The following RNF122 variants were observed in gnomAD, a reference collection of about 807,000 sequenced individuals.
The protein encoded by RNF122 is ring finger protein 122.
In RNF122, 17 loss-of-function variants were observed where a neutral mutation model predicts 24.2. The observed-to-expected ratio is 0.70, with a 90% confidence interval of 0.48 to 1.06. The LOEUF is 1.06. Among genes scored for constraint, RNF122 ranks in the 50% least tolerant of loss-of-function variants. RNF122 has a pLI of 0.00. For synonymous variants in RNF122, 65 were observed against 71.8 expected (o/e 0.91, Z 0.48); for missense variants, 168 against 198.1 (o/e 0.85, Z 0.91).
At chr8:33,557,322 A>C (rs937614066) in intron 2 of RNF122, among the ~76,000 whole-genome samples, 1 of 152,114 alleles carries the variant, frequency 6.6e-6, no homozygotes. Context: ...CATGCTCAAA[A>C]TTTTTTATAG....
intron 4 of RNF122, among the ~76,000 whole-genome samples, chr8:33,549,822 A>C (rs1181472752): frequency 6.6e-6 from 1 of 152,202 alleles, no homozygotes; most frequent in African/African-American, 2.4e-5. Context: ...TGCACTGGAA[A>C]TTACTGTCCT....
intron 2 of RNF122, among the ~76,000 whole-genome samples, chr8:33,552,267 T>C (rs1021932810): frequency 6.6e-6 from 1 of 151,962 alleles, no homozygotes; most frequent in African/African-American, 2.4e-5. Flanking sequence ...GGTGTGGTGG[T>C]GCATGCCTGT....
chr8:33,559,229 C>T (rs1001409127), intron 1 of RNF122, among the ~76,000 whole-genome samples: 4 of 151,902 alleles, frequency 2.6e-5, no homozygotes, highest in African/African-American at 9.7e-5. Context: ...TCACTTGAGC[C>T]CAGGAGTACA....
intron 1 of RNF122, among the ~76,000 whole-genome samples, chr8:33,564,729 G>A (rs926383765): frequency 6.6e-6 from 1 of 152,022 alleles, no homozygotes; most frequent in Admixed American, 6.6e-5. Flanking sequence ...AAAATTAGCC[G>A]GCCATGGTGG....
intron 4 of RNF122, among the ~76,000 whole-genome samples, chr8:33,550,209 A>G (rs1197274105): frequency 6.6e-6 from 1 of 152,216 alleles, no homozygotes; most frequent in African/African-American, 2.4e-5. Context: ...CTGGGATTAC[A>G]GGCATGAGCC....
rs140926476 is a variant in RNF122, at chr8:33,553,302, A to G, written c.183-1913T>C. ...GTGGTTTTTATTCTTAAATGGTTGA[A>G]AACAGAAATAAAGAATAATGCCAAC... On this transcript the variant is annotated intron_variant, in intron 2 of 5. Coordinates refer to ENST00000256257, the MANE Select transcript of RNF122 (RefSeq NM_024787.3). 1.9e-3 allele frequency among the ~76,000 whole-genome samples: 295 copies of G among 152,032 alleles called. 1 individual carries two copies. In the Middle Eastern group the frequency reaches 0.024, roughly 12 times the overall value.
intron 1 of RNF122, among the ~76,000 whole-genome samples, chr8:33,562,607 GAC>G (rs1420443179): frequency 6.7e-6 from 1 of 150,232 alleles, no homozygotes; most frequent in Non-Finnish European, 1.5e-5. Flanking sequence ...AGGAAAAAAA[GAC>G]ACAAAGATTT....
intron 2 of RNF122, among the ~76,000 whole-genome samples, chr8:33,555,729 G>A (rs904986441): frequency 3.9e-5 from 6 of 152,166 alleles, no homozygotes; most frequent in Non-Finnish European, 7.3e-5. Context: ...CTTCCTCTAT[G>A]TATCACCTTG....
Position 33,547,980 on chromosome 8 carries a change from C to CAAAAAAAA in RNF122, c.*765_*772dup, listed in dbSNP as rs35370120. 36 of 37,850 alleles carry CAAAAAAAA rather than the reference C, an allele frequency of 9.5e-4. 1 individual carries two copies. The highest frequency in any genetic ancestry group is 3.5e-3 in the African/African-American group (32 of 9,238). The allele number at this position is 37,850 out of a possible 1,614,324, so 2.3% of individuals were successfully genotyped here. A position where few individuals can be genotyped will look rare whatever the true frequency, so the allele number is the denominator to read the frequency against. ...CCCCCATCCCCACACCCCTTTTGAT[C>CAAAAAAAA]AAAAAAAAAAAAAAAAAAAAAAAAA... On this transcript the variant is annotated 3_prime_UTR_variant, in exon 6 of 6. Coordinates refer to ENST00000256257, the MANE Select transcript of RNF122 (RefSeq NM_024787.3).
rs769741086 is a variant in RNF122, at chr8:33,548,793, G to A, written c.428C>T (p.Ala143Val). 6.2e-7 allele frequency: 1 copy of A among 1,613,764 alleles called. No homozygotes were observed. Among genetic ancestry groups the A allele is most frequent in the South Asian group, 1.1e-5 (1 of 91,070 alleles). Residue 143 changes from alanine to valine, a missense_variant, in exon 6 of 6, where the codon GCC becomes GTC. Physicochemically the swap from Ala to Val is moderately conservative, Grantham distance 64. Transcript: ENST00000256257. ...CNKPIASPSE[A>V]TQNIGILLDE... ...CAATAGAATCCCAATGTTCTGCGTG[G>A]CCTCTGAGGGACTAGCAATGGGCTT... is the stretch of plus-strand genomic sequence containing the variant.
intron 3 of RNF122, 98 bp downstream of exon 3, chr8:33,551,246 G>T (rs985512795): frequency 4.6e-6 from 7 of 1,519,120 alleles, no homozygotes; most frequent in Non-Finnish European, 6.4e-6. Flanking sequence ...GTGAGGCCAG[G>T]GGGATTCCTG....
At chr8:33,565,942 C>T (rs1267924724) in intron 1 of RNF122, among the ~76,000 whole-genome samples, 1 of 152,192 alleles carries the variant, frequency 6.6e-6, no homozygotes, top group Non-Finnish European at 1.5e-5. Flanking sequence ...CAATCTCCGC[C>T]TCCTGGGTTC....
intron 3 of RNF122, 73 bp downstream of exon 3, chr8:33,551,271 A>C (rs773174178): frequency 3.2e-6 from 5 of 1,565,882 alleles, no homozygotes; most frequent in Non-Finnish European, 4.4e-6. Flanking sequence ...GGAGAACCTG[A>C]GCCTGCCCTC....
At chr8:33,558,075 G>A (rs977668198) in intron 2 of RNF122, among the ~76,000 whole-genome samples, 2 of 151,992 alleles carry the variant, frequency 1.3e-5, no homozygotes, top group African/African-American at 4.8e-5. Context: ...CCCAGGAGGT[G>A]GAAGTTGCAG....
chr8:33,560,265 C>T (rs1367313512), intron 1 of RNF122, among the ~76,000 whole-genome samples: 1 of 152,208 alleles, frequency 6.6e-6, no homozygotes, highest in Non-Finnish European at 1.5e-5. Context: ...CTGGCCTACT[C>T]ATCATGATAG....
At chr8:33,553,435 G>T (rs1485744087) in intron 2 of RNF122, among the ~76,000 whole-genome samples, 1 of 152,104 alleles carries the variant, frequency 6.6e-6, no homozygotes, top group African/African-American at 2.4e-5. Context: ...AGGTATGATG[G>T]TGCATGTCTG....
intron 1 of RNF122, among the ~76,000 whole-genome samples, chr8:33,565,381 A>AC (rs1810606755): frequency 6.6e-6 from 1 of 151,476 alleles, no homozygotes; most frequent in Admixed American, 6.6e-5. Context: ...CTAAAGAATG[A>AC]TTTTTTTCCC....
At chr8:33,553,841 T>C (rs548273751) in intron 2 of RNF122, among the ~76,000 whole-genome samples, 1 of 152,312 alleles carries the variant, frequency 6.6e-6, no homozygotes, top group South Asian at 2.1e-4. Context: ...GCGAGGTTCA[T>C]GTTCCTGGAG....
At chr8:33,555,662 T>C (rs756840194) in intron 2 of RNF122, among the ~76,000 whole-genome samples, 50 of 152,194 alleles carry the variant, frequency 3.3e-4, no homozygotes, top group Non-Finnish European at 6.2e-4. Flanking sequence ...AGGCAAACAC[T>C]TGGAAGGACT....
Sources: allele counts gnomAD v4.1 joint callset (sites outside exome capture counted in the v4.1 genomes callset), GRCh38; gene constraint gnomAD v4.1.1; transcripts MANE v1.5; gene names NCBI Gene and HGNC (gene_info 2026-07-23, HGNC 2026-07-21).